UGDH: variants seen among roughly 807,000 people sequenced by gnomAD.
The protein encoded by UGDH is UDP-Glc dehydrogenase.
In UGDH, 38 loss-of-function variants were observed where a neutral mutation model predicts 50.6. That is an observed-to-expected ratio of 0.75 (90% CI 0.58 to 0.98). UGDH has a LOEUF of 0.98. Ranked by LOEUF, UGDH falls within the 50% of genes least tolerant of loss-of-function variation. The probability of loss-of-function intolerance (pLI) is 0.00; values close to 1 mark genes in which losing one functional copy is unlikely to be tolerated. For synonymous variants in UGDH, 168 were observed against 199.9 expected (o/e 0.84, Z 1.35); for missense variants, 465 against 606.2 (o/e 0.77, Z 2.45).
At chr4:39,518,659 A>G (rs933476109) in intron 2 of UGDH, among the ~76,000 whole-genome samples, 27 of 150,312 alleles carry the variant, frequency 1.8e-4, no homozygotes, top group African/African-American at 6.4e-4. Flanking sequence ...GGGGTCTTGC[A>G]ATGTTGCCCA....
intron 2 of UGDH, among the ~76,000 whole-genome samples, chr4:39,515,803 G>C (rs763469426): frequency 6.6e-6 from 1 of 152,100 alleles, no homozygotes; most frequent in Non-Finnish European, 1.5e-5. Context: ...AGGTTCAAGT[G>C]ATTCTCGTGC....
Position 39,504,427 on chromosome 4 carries a change from TCCCA to T in UGDH, c.1249_1252del (p.Trp417ThrfsTer16). 2 of 1,614,016 alleles carry T rather than the reference TCCCA, an allele frequency of 1.2e-6. No individual in the cohort carries two copies. The highest frequency in any genetic ancestry group is 1.7e-6 in the Non-Finnish European group (2 of 1,179,952). ...TTTCTGTTACCTTACCTTAAACATGTCCCACTCAGTGCAAATAACAACAGCATGG... is the reference window on the plus strand; with the variant it reads ...TTTCTGTTACCTTACCTTAAACATGTCTCAGTGCAAATAACAACAGCATGG... On this transcript the variant is annotated frameshift_variant, in exon 10 of 12. Coordinates refer to ENST00000316423, the MANE Select transcript of UGDH (RefSeq NM_003359.4). LOFTEE classifies it high-confidence loss of function.
Position 39,510,440 on chromosome 4 carries a change from C to T in UGDH, c.576G>A (p.Val192=). ...GDETPEGQRA[V]QALCAVYEHW... ...GCTCATATACAGCACACAGGGCCTG[C>T]ACAGCTCTCTGGCCCTCTGGAGTTT... The change falls in exon 5 of 12, where the codon GTG becomes GTA. Residue 192 remains valine (V), a synonymous_variant. Coordinates refer to ENST00000316423, the MANE Select transcript of UGDH (RefSeq NM_003359.4). The T allele has an allele frequency of 6.2e-7, 1 of 1,614,176 alleles. No homozygotes were observed. The highest frequency in any genetic ancestry group is 1.1e-5 in the South Asian group (1 of 91,074).
intron 8 of UGDH, 47 bp from the exon 9 acceptor site, chr4:39,505,417 T>C (rs1419788441): frequency 7.7e-6 from 11 of 1,420,520 alleles, no homozygotes; most frequent in Non-Finnish European, 6.5e-6. Flanking sequence ...TGTGGCATTA[T>C]ATTCTAATAC....
At chr4:39,509,208 A>G (rs6848201) in intron 6 of UGDH, among the ~76,000 whole-genome samples, 91,263 of 150,520 alleles carry the variant, frequency 0.61, 28,266 homozygotes, top group East Asian at 0.87. Context: ...TCAAACTCCT[A>G]GGCTCAAGCA....
intron 2 of UGDH, among the ~76,000 whole-genome samples, chr4:39,519,033 C>G (rs920881529): frequency 1.4e-4 from 21 of 152,168 alleles, no homozygotes; most frequent in Admixed American, 5.2e-4. Flanking sequence ...TCTCTCGCCT[C>G]AGCCTCCTGA....
chr4:39,510,208 T>G, intron 5 of UGDH, 145 bp downstream of exon 5: 1 of 884,090 alleles, frequency 1.1e-6, no homozygotes, highest in Non-Finnish European at 1.7e-6. Context: ...GTGAAAATTA[T>G]TTCATAATTT....
In UGDH at chr4:39,521,338, T is replaced by G. The variant is rs1257346474; in HGVS notation, c.162+13A>C. 1 of 1,591,882 alleles carries G rather than the reference T, an allele frequency of 6.3e-7. No individual in the cohort carries two copies. Among genetic ancestry groups the G allele is most frequent in the Middle Eastern group, 1.7e-4 (1 of 5,976 alleles). On this transcript the variant is annotated intron_variant, in intron 2 of 11. Transcript: ENST00000316423. ...AAAAAGCATAAAAACAAAGAGATGT[T>G]TAATATGTTTACCTCATAAATAGGA...
chr4:39,499,423 T>A lies in UGDH; in HGVS notation c.*720A>T, dbSNP rs1276135908. 6.6e-6 allele frequency: 1 copy of A among 152,110 alleles called. No homozygotes were observed. The highest frequency in any genetic ancestry group is 1.5e-5 in the Non-Finnish European group (1 of 68,028). The allele number at this position is 152,110 out of a possible 1,614,324, so 9.4% of individuals were successfully genotyped here. On this transcript the variant is annotated 3_prime_UTR_variant, in exon 12 of 12. Coordinates refer to ENST00000316423, the MANE Select transcript of UGDH (RefSeq NM_003359.4). ...CTGTTTAGCATAGCAATTTCATGGATTCAAAATATATCTTTAATGACAAAC... is the reference window on the plus strand; with the variant it reads ...CTGTTTAGCATAGCAATTTCATGGAATCAAAATATATCTTTAATGACAAAC...
intron 1 of UGDH, among the ~76,000 whole-genome samples, chr4:39,524,058 G>A (rs1190166519): frequency 2.0e-5 from 3 of 151,960 alleles, no homozygotes; most frequent in Non-Finnish European, 4.4e-5. Flanking sequence ...ATTAACACCT[G>A]GCTTTTTTCA....
intron 3 of UGDH, among the ~76,000 whole-genome samples, chr4:39,511,669 A>G (rs1746251543): frequency 6.7e-6 from 1 of 149,946 alleles, no homozygotes; most frequent in African/African-American, 2.5e-5. Context: ...GACATTACCT[A>G]TCATCTTCAG....
chr4:39,508,596 A>C lies in UGDH; in HGVS notation c.876T>G (p.Asn292Lys). The C allele has an allele frequency of 8.1e-6, 13 of 1,611,044 alleles. No homozygotes were observed. Among genetic ancestry groups the C allele is most frequent in the Non-Finnish European group, 1.0e-5 (12 of 1,179,082 alleles). The change falls in exon 7 of 12, where the codon AAT becomes AAG. Residue 292 changes from asparagine (N) to lysine (K), a missense_variant. Transcript: ENST00000316423. ...LNLVYLCEAL[N>K]LPEVARYWQQ... Reference sequence around the variant, plus strand: ...GCCAATAACGAGCTACTTCTGGCAAATTCAGAGCCTCACAGAGATAAACCA... The same window carrying C: ...GCCAATAACGAGCTACTTCTGGCAACTTCAGAGCCTCACAGAGATAAACCA...
chr4:39,501,500 C>T (rs1031293876), intron 11 of UGDH, among the ~76,000 whole-genome samples: 6 of 151,834 alleles, frequency 4.0e-5, no homozygotes, highest in Non-Finnish European at 7.4e-5. Flanking sequence ...GTCTCGATCT[C>T]CTGACCTCAT....
At chr4:39,504,319 C>T in intron 10 of UGDH, 98 bp downstream of exon 10, 2 of 1,122,198 alleles carry the variant, frequency 1.8e-6, no homozygotes, top group South Asian at 2.9e-5. Flanking sequence ...AAAAAAAAAA[C>T]AAAAAAACAA....
intron 2 of UGDH, among the ~76,000 whole-genome samples, chr4:39,516,162 T>C (rs1746435477): frequency 6.6e-6 from 1 of 152,140 alleles, no homozygotes; most frequent in African/African-American, 2.4e-5. Flanking sequence ...CGCTTGCCTG[T>C]AGTCCCAACT....
intron 7 of UGDH, among the ~76,000 whole-genome samples, chr4:39,508,365 C>T (rs897143173): frequency 1.3e-5 from 2 of 152,178 alleles, no homozygotes; most frequent in African/African-American, 2.4e-5. Flanking sequence ...TCCCAAGTAG[C>T]TAGGACTACA....
intron 2 of UGDH, among the ~76,000 whole-genome samples, chr4:39,514,482 C>T (rs2109935171): frequency 6.6e-6 from 1 of 151,962 alleles, no homozygotes; most frequent in Non-Finnish European, 1.5e-5. Flanking sequence ...CCCATCTCAG[C>T]CTCCCAAGTA....
chr4:39,508,343 C>T (rs1746106070), intron 7 of UGDH, among the ~76,000 whole-genome samples: 1 of 152,184 alleles, frequency 6.6e-6, no homozygotes, highest in South Asian at 2.1e-4. Flanking sequence ...AAGTGATCCT[C>T]CCACCTCAGC....
Position 39,505,252 on chromosome 4 carries a change from A to G in UGDH, c.1156T>C (p.Ser386Pro). ...AAAGCCTTACCTTGGTCATCCTCTG[A>G]AACACCTGGATGAGAAAGATCCACA... ...IVVDLSHPGV[S>P]EDDQVSRLVT... is the part of the protein sequence containing the mutation. The change falls in exon 9 of 12, where the codon TCA (serine) becomes CCA (proline). Residue 386 changes from serine to proline, a missense_variant. By Grantham distance (74) the Ser-to-Pro change is moderately conservative. Coordinates refer to ENST00000316423, the MANE Select transcript of UGDH (RefSeq NM_003359.4). 1 of 1,594,558 alleles carries G rather than the reference A, an allele frequency of 6.3e-7. No homozygotes were observed. Among genetic ancestry groups the G allele is most frequent in the Non-Finnish European group, 8.5e-7 (1 of 1,174,106 alleles).
Sources: gnomAD v4.1 joint callset for allele counts (sites outside exome capture counted in the v4.1 genomes callset) on GRCh38, gnomAD v4.1.1 for gene constraint, MANE v1.5 for transcripts, NCBI Gene and HGNC (gene_info 2026-07-23, HGNC 2026-07-21) for gene names.